EEPD1: variants seen among roughly 807,000 people sequenced by gnomAD.
The protein encoded by EEPD1 is endonuclease/exonuclease/phosphatase family domain containing 1.
In EEPD1, 17 loss-of-function variants were observed where a neutral mutation model predicts 46.3. The ratio of observed to expected loss-of-function variants is 0.37; its 90% CI spans 0.25 to 0.55. EEPD1 has a LOEUF of 0.55. EEPD1 is among the 20% of genes least tolerant of loss of function. The probability of loss-of-function intolerance (pLI) is 0.83; values close to 1 mark genes in which losing one functional copy is unlikely to be tolerated. For synonymous variants in EEPD1, 313 were observed against 315.6 expected, an observed-to-expected ratio of 0.99 and a Z score of 0.09; for missense variants, 673 against 745.6, an observed-to-expected ratio of 0.90 and a Z score of 1.13.
chr7:36,270,133 C>T (rs1787081446), intron 3 of EEPD1, among the ~76,000 whole-genome samples: 1 of 151,972 alleles, frequency 6.6e-6, no homozygotes, highest in South Asian at 2.1e-4. Context: ...TGTGTGTATA[C>T]AGACATATAA....
At chr7:36,172,943 C>G (rs1785113618) in intron 2 of EEPD1, among the ~76,000 whole-genome samples, 1 of 151,784 alleles carries the variant, frequency 6.6e-6, no homozygotes, top group South Asian at 2.1e-4. Context: ...GAGACTGAGC[C>G]CCAAGTGGGT....
In EEPD1 at chr7:36,193,025, T is replaced by A. The variant is rs990209836; in HGVS notation, c.878+37823T>A. Among the ~76,000 whole-genome samples, 1 of 152,206 alleles carries A rather than the reference T, an allele frequency of 6.6e-6. No homozygotes were observed. Among genetic ancestry groups the A allele is most frequent in the Non-Finnish European group, 1.5e-5 (1 of 68,034 alleles). On this transcript the variant is annotated intron_variant, in intron 2 of 7. Transcript: ENST00000242108. The surrounding 1 kb of genome is among the most constrained non-coding windows in gnomAD (Gnocchi z 4.9). ...AGCGAGGGGCAGCTCAGGGCTGGAC[T>A]CTTCACTGCTGTCTTCTGATGGTCT...
chr7:36,246,830 A>G (rs1212293407), intron 3 of EEPD1, among the ~76,000 whole-genome samples: 1 of 152,186 alleles, frequency 6.6e-6, no homozygotes, highest in East Asian at 1.9e-4. Context: ...TTGGGACTAG[A>G]AAAATTGAAC....
At chr7:36,245,282 G>A (rs1307604657) in intron 3 of EEPD1, among the ~76,000 whole-genome samples, 2 of 151,970 alleles carry the variant, frequency 1.3e-5, no homozygotes, top group Non-Finnish European at 2.9e-5. Flanking sequence ...GTGAAGAGGG[G>A]GACATTTTGC....
intron 2 of EEPD1, among the ~76,000 whole-genome samples, chr7:36,217,718 A>G (rs1425035635): frequency 1.3e-5 from 2 of 152,214 alleles, no homozygotes; most frequent in African/African-American, 4.8e-5. Flanking sequence ...CCCTGCCCAG[A>G]GAACCTAACT....
At chr7:36,161,917 T>C (rs1047681673) in intron 2 of EEPD1, among the ~76,000 whole-genome samples, 1 of 146,036 alleles carries the variant, frequency 6.8e-6, no homozygotes, top group East Asian at 2.0e-4. Context: ...AAAAAAAAAA[T>C]TACTCTACCT....
intron 3 of EEPD1, among the ~76,000 whole-genome samples, chr7:36,280,228 G>A (rs761534582): frequency 2.0e-5 from 3 of 152,212 alleles, no homozygotes; most frequent in East Asian, 1.9e-4. Context: ...AGCAGCTGGC[G>A]ACGGGTACAG....
chr7:36,161,897 C>CA (rs10570788), intron 2 of EEPD1, among the ~76,000 whole-genome samples: 21,895 of 126,836 alleles, frequency 0.17, 2,052 homozygotes, highest in Non-Finnish European at 0.24. Flanking sequence ...CTGTCTCTCT[C>CA]AAAAAAAAAA....
At chr7:36,174,963 C>T (rs1785151100) in intron 2 of EEPD1, among the ~76,000 whole-genome samples, 1 of 152,200 alleles carries the variant, frequency 6.6e-6, no homozygotes, top group East Asian at 1.9e-4. Flanking sequence ...CCAGCACAGT[C>T]ATGCAGTGGA....
At chr7:36,198,736 A>G (rs1785658506) in intron 2 of EEPD1, among the ~76,000 whole-genome samples, 1 of 152,092 alleles carries the variant, frequency 6.6e-6, no homozygotes, top group African/African-American at 2.4e-5. Flanking sequence ...TCAATACACA[A>G]TTTCTGATTG....
chr7:36,229,410 G>A (rs889297302), intron 2 of EEPD1: 16 of 152,364 alleles, frequency 1.1e-4, no homozygotes, highest in African/African-American at 3.6e-4. Flanking sequence ...GAGAGAGAAA[G>A]AGAATGTGAA....
chr7:36,173,847 A>G (rs1785130384), intron 2 of EEPD1, among the ~76,000 whole-genome samples: 1 of 152,170 alleles, frequency 6.6e-6, no homozygotes, highest in South Asian at 2.1e-4. Flanking sequence ...CTTATGACAC[A>G]TGGTGGGCAG....
chr7:36,240,835 A>G (rs1438209365), intron 3 of EEPD1, among the ~76,000 whole-genome samples: 1 of 152,180 alleles, frequency 6.6e-6, no homozygotes, highest in Admixed American at 6.5e-5. Flanking sequence ...AAACTGTTCC[A>G]CCTCAGATCA....
At chr7:36,181,013 A>G (rs928785513) in intron 2 of EEPD1, among the ~76,000 whole-genome samples, 22 of 152,136 alleles carry the variant, frequency 1.4e-4, no homozygotes, top group African/African-American at 5.3e-4. Flanking sequence ...TTGGATCTGT[A>G]GAAGGATTCC....
intron 2 of EEPD1, among the ~76,000 whole-genome samples, chr7:36,218,374 A>AG (rs756007840): frequency 4.1e-5 from 6 of 144,588 alleles, no homozygotes; most frequent in Admixed American, 7.4e-5. Context: ...TTCTAATAGG[A>AG]GGGGGAGGAA....
In EEPD1 at chr7:36,219,775, A is replaced by AAGAGAG. The variant is rs752270283; in HGVS notation, c.879-19183_879-19178dup. On this transcript the variant is annotated intron_variant, in intron 2 of 7. Transcript: ENST00000242108. ...GCATGCATTTAAAGAGAGAGAGAGA[A>AAGAGAG]AGAGAGAGAGAGAGAGAGAGAGAGA... 2.8e-3 allele frequency among the ~76,000 whole-genome samples: 335 copies of AAGAGAG among 118,982 alleles called. 2 individuals are homozygous for AAGAGAG. Among genetic ancestry groups the AAGAGAG allele is most frequent in the African/African-American group, 0.011 (325 of 30,092 alleles). The allele number at this position is 118,982 out of a possible 152,430, so 78.1% of individuals were successfully genotyped here.
rs1036144018 is a variant in EEPD1 at position 36,196,254 on chromosome 7, ACT to A, written c.878+41054_878+41055del. ...GTGAAGGCCTAGAGCATTACTGTAC[ACT>A]CCTGTAGATTTTATAAACACTGTGC... On this transcript the variant is annotated intron_variant, in intron 2 of 7. Coordinates refer to ENST00000242108, the MANE Select transcript of EEPD1 (RefSeq NM_030636.3). Among the ~76,000 whole-genome samples, 4 of 151,676 alleles carry A rather than the reference ACT, an allele frequency of 2.6e-5. No individual in the cohort carries two copies. The East Asian group carries it at 7.7e-4, about 29-fold the overall frequency.
In EEPD1 at chr7:36,207,461, C is replaced by A. The variant is rs142708137; in HGVS notation, c.879-31524C>A. Reference sequence around the variant, plus strand: ...TGGTATGTCCATTTTAGACCCCAGACAGGTTAGGCCACCTACTTGAAATCC... The same window carrying A: ...TGGTATGTCCATTTTAGACCCCAGAAAGGTTAGGCCACCTACTTGAAATCC... On this transcript the variant is annotated intron_variant, in intron 2 of 7. Transcript: ENST00000242108. Among the ~76,000 whole-genome samples the A allele has an allele frequency of 2.6e-4, 39 of 152,280 alleles. 1 individual carries two copies. In the East Asian group the frequency reaches 7.1e-3, roughly 28 times the overall value.
intron 3 of EEPD1, among the ~76,000 whole-genome samples, chr7:36,272,633 C>T (rs1424747910): frequency 2.6e-5 from 4 of 151,852 alleles, no homozygotes; most frequent in Non-Finnish European, 5.9e-5. Flanking sequence ...TGGGAGAGCA[C>T]GTGGGTGTCA....
Sources: gnomAD v4.1 joint callset for allele counts (sites outside exome capture counted in the v4.1 genomes callset) on GRCh38, gnomAD v4.1.1 for gene constraint, Gnocchi (gnomAD v3.1) non-coding constraint, MANE v1.5 for transcripts, NCBI Gene and HGNC (gene_info 2026-07-23, HGNC 2026-07-21) for gene names.